The following KCNH5 variants were observed in gnomAD, a reference collection of about 807,000 sequenced individuals.
KCNH5 encodes potassium voltage-gated channel subfamily H member 5.
KCNH5 carries 46 observed loss-of-function variants against 96.1 expected under a neutral mutation model. The ratio of observed to expected loss-of-function variants is 0.48; its 90% CI spans 0.38 to 0.61. The LOEUF (loss-of-function observed/expected upper bound fraction) is 0.61, where lower values mean the gene tolerates loss of function less well. KCNH5 is among the 20% of genes least tolerant of loss of function. The pLI, the probability that KCNH5 is intolerant of heterozygous loss-of-function variation, is 0.00. For synonymous variants in KCNH5, 439 were observed against 449.8 expected, an observed-to-expected ratio of 0.98 and a Z score of 0.30; for missense variants, 907 against 1,225.8, an observed-to-expected ratio of 0.74 and a Z score of 3.88.
intron 4 of KCNH5, among the ~76,000 whole-genome samples, chr14:62,997,954 T>G (rs561874864): frequency 6.6e-6 from 1 of 151,860 alleles, no homozygotes; most frequent in African/African-American, 2.4e-5. Context: ...TTTTCCTTTC[T>G]TGTAATGTCT....
At chr14:62,824,055 C>T (rs185634097) in intron 8 of KCNH5, among the ~76,000 whole-genome samples, 2 of 151,712 alleles carry the variant, frequency 1.3e-5, no homozygotes, top group East Asian at 1.9e-4. Context: ...TACAGAAAAA[C>T]ATCCAGGATT....
At chr14:62,997,242 G>C (rs961535250) in intron 4 of KCNH5, among the ~76,000 whole-genome samples, 4 of 152,198 alleles carry the variant, frequency 2.6e-5, no homozygotes, top group Non-Finnish European at 5.9e-5. Flanking sequence ...CAGGGACATA[G>C]AGAGTAGAAG....
At chr14:62,833,792 C>G (rs1352624101) in intron 8 of KCNH5, among the ~76,000 whole-genome samples, 1 of 152,014 alleles carries the variant, frequency 6.6e-6, no homozygotes, top group Non-Finnish European at 1.5e-5. Context: ...TCTTTCCCCA[C>G]AGATCTAAAT....
intron 10 of KCNH5, among the ~76,000 whole-genome samples, chr14:62,771,636 A>G (rs1025687753): frequency 1.3e-5 from 2 of 152,120 alleles, no homozygotes; most frequent in African/African-American, 2.4e-5. Context: ...AAAACAAACA[A>G]AAAGACTCTA....
At chr14:62,840,437 C>A (rs1408854615) in intron 8 of KCNH5, among the ~76,000 whole-genome samples, 1 of 152,090 alleles carries the variant, frequency 6.6e-6, no homozygotes, top group East Asian at 1.9e-4. Flanking sequence ...ACTCCAGACC[C>A]ATGCCCAGGA....
At chr14:62,717,658 C>T (rs7158012) in intron 10 of KCNH5, among the ~76,000 whole-genome samples, 99 of 152,188 alleles carry the variant, frequency 6.5e-4, no homozygotes, top group Non-Finnish European at 1.3e-3. Flanking sequence ...GGATAAAAGA[C>T]CTAACTGCAA....
At chr14:62,923,798 C>T (rs1436214830) in intron 7 of KCNH5, among the ~76,000 whole-genome samples, 1 of 151,908 alleles carries the variant, frequency 6.6e-6, no homozygotes, top group East Asian at 1.9e-4. Context: ...CTTCATCTCA[C>T]ATCATATCCA....
chr14:63,021,942 T>C (rs927938543), intron 1 of KCNH5, among the ~76,000 whole-genome samples: 6 of 152,078 alleles, frequency 3.9e-5, no homozygotes, highest in African/African-American at 1.2e-4. Context: ...GACATTAGAG[T>C]GCCTAAGTCC....
intron 7 of KCNH5, among the ~76,000 whole-genome samples, chr14:62,930,165 G>T (rs141951205): frequency 1.3e-5 from 2 of 152,076 alleles, no homozygotes; most frequent in African/African-American, 4.8e-5. Context: ...GGGATTTCTG[G>T]GTTGAATATT....
At chr14:62,829,208 C>T (rs1887290227) in intron 8 of KCNH5, among the ~76,000 whole-genome samples, 1 of 152,150 alleles carries the variant, frequency 6.6e-6, no homozygotes. Flanking sequence ...TGTTGAGTGC[C>T]TGTGGCCTTT....
intron 7 of KCNH5, among the ~76,000 whole-genome samples, chr14:62,943,321 T>C (rs1377399655): frequency 1.3e-5 from 2 of 152,144 alleles, no homozygotes; most frequent in African/African-American, 4.8e-5. Context: ...AAGAGTATAA[T>C]CCTATTAGAA....
chr14:62,918,794 G>C (rs141708273), intron 7 of KCNH5, among the ~76,000 whole-genome samples: 2,615 of 152,070 alleles, frequency 0.017, 39 homozygotes, highest in Middle Eastern at 0.027. Context: ...CAGTCTTTCA[G>C]GTTTGACACT....
intron 8 of KCNH5, among the ~76,000 whole-genome samples, chr14:62,843,549 C>T (rs971811219): frequency 6.6e-6 from 1 of 151,316 alleles, no homozygotes; most frequent in Non-Finnish European, 1.5e-5. Flanking sequence ...GTAGCTGGGA[C>T]TACAGGCGTG....
intron 8 of KCNH5, among the ~76,000 whole-genome samples, chr14:62,844,262 C>T (rs1366395366): frequency 6.6e-6 from 1 of 151,428 alleles, no homozygotes; most frequent in Non-Finnish European, 1.5e-5. Flanking sequence ...TTGGAAAATA[C>T]AAAAGGTAAG....
At position 63,031,066 on chromosome 14, in the gene KCNH5, G is replaced by A. The variant is rs186606521; in HGVS notation, c.73+14048C>T. 3.5e-3 allele frequency among the ~76,000 whole-genome samples: 536 copies of A among 151,862 alleles called. 4 individuals carry two copies. The highest frequency in any genetic ancestry group is 0.012 in the African/African-American group (514 of 41,386). Reference sequence around the variant, plus strand: ...TCTTCTGCTTTTCCTTTCTTTTAGGGATGGGAAAACAGACCAGGAAAATTA... The same window carrying A: ...TCTTCTGCTTTTCCTTTCTTTTAGGAATGGGAAAACAGACCAGGAAAATTA... On this transcript the variant is annotated intron_variant, in intron 1 of 10. Coordinates refer to ENST00000322893, the MANE Select transcript of KCNH5 (RefSeq NM_139318.5).
At chr14:63,015,364 T>C (rs1055708398) in intron 2 of KCNH5, among the ~76,000 whole-genome samples, 12 of 151,988 alleles carry the variant, frequency 7.9e-5, no homozygotes, top group African/African-American at 2.7e-4. Context: ...AACTCAATGG[T>C]ATAATATAAA....
chr14:62,729,657 G>T (rs1215314586), intron 10 of KCNH5, among the ~76,000 whole-genome samples: 1 of 152,176 alleles, frequency 6.6e-6, no homozygotes, highest in Non-Finnish European at 1.5e-5. Context: ...AGATGACTAA[G>T]ATCCCCAAAC....
At chr14:63,012,546 A>G (rs908181671) in intron 2 of KCNH5, among the ~76,000 whole-genome samples, 1 of 152,170 alleles carries the variant, frequency 6.6e-6, no homozygotes, top group African/African-American at 2.4e-5. Flanking sequence ...TTATCCAGCA[A>G]TCCCATTTCT....
At chr14:63,022,741 C>G (rs771297722) in intron 1 of KCNH5, among the ~76,000 whole-genome samples, 2 of 152,150 alleles carry the variant, frequency 1.3e-5, no homozygotes, top group Non-Finnish European at 2.9e-5. Context: ...CCCTCCTCAC[C>G]TTGTCACCTT....
Sources: allele counts gnomAD v4.1 joint callset (sites outside exome capture counted in the v4.1 genomes callset), GRCh38; gene constraint gnomAD v4.1.1; transcripts MANE v1.5; gene names NCBI Gene and HGNC (gene_info 2026-07-23, HGNC 2026-07-21).